The following PPFIBP2 variants were observed in gnomAD, a reference collection of about 807,000 sequenced individuals.
PPFIBP2 encodes the protein liprin-beta-2.
Under a neutral mutation model 118.3 loss-of-function variants are expected in PPFIBP2, and 118 were observed. That is an observed-to-expected ratio of 1.00 (90% confidence interval 0.86 to 1.16). The LOEUF is 1.16. PPFIBP2 is among the 50% of genes most tolerant of loss of function. PPFIBP2 has a pLI of 0.00. For missense variants in PPFIBP2, 1,195 were observed against 1,073.1 expected (o/e 1.11, Z -1.59); for synonymous variants, 414 against 397.4 (o/e 1.04, Z -0.50).
At chr11:7,572,732 G>A (rs746115292) in intron 3 of PPFIBP2, among the ~76,000 whole-genome samples, 4 of 152,156 alleles carry the variant, frequency 2.6e-5, no homozygotes, top group Non-Finnish European at 4.4e-5. Flanking sequence ...ATGCTTCTAG[G>A]CAAGTTTGTT....
At chr11:7,573,918 G>C (rs1855958902) in intron 3 of PPFIBP2, 1 of 152,216 alleles carries the variant, frequency 6.6e-6, no homozygotes, top group South Asian at 2.1e-4. Flanking sequence ...TTACAGTTCT[G>C]CCTGATAAGA....
At chr11:7,630,592 G>A (rs377448405) in intron 10 of PPFIBP2, among the ~76,000 whole-genome samples, 3 of 152,222 alleles carry the variant, frequency 2.0e-5, no homozygotes, top group Non-Finnish European at 4.4e-5. Context: ...GATTACAGGC[G>A]TGAGCCAAAG....
chr11:7,549,098 A>G (rs1198829808), intron 1 of PPFIBP2, among the ~76,000 whole-genome samples: 1 of 152,176 alleles, frequency 6.6e-6, no homozygotes, highest in East Asian at 1.9e-4. Context: ...TACGCCACTT[A>G]GTGGCGCCTT....
chr11:7,639,193 G>T (rs555053594), intron 14 of PPFIBP2, among the ~76,000 whole-genome samples: 1 of 152,256 alleles, frequency 6.6e-6, no homozygotes, highest in Non-Finnish European at 1.5e-5. Flanking sequence ...GTCTGAGTAA[G>T]GGTTCCAATT....
At chr11:7,528,919 T>A (rs1261116982) in intron 1 of PPFIBP2, among the ~76,000 whole-genome samples, 4 of 152,152 alleles carry the variant, frequency 2.6e-5, no homozygotes. Context: ...TTGGCCTTCC[T>A]CCTGGAGCTC....
intron 19 of PPFIBP2, 107 bp from the exon 20 acceptor site, chr11:7,649,040 T>G: frequency 2.9e-6 from 4 of 1,364,972 alleles, no homozygotes; most frequent in Non-Finnish European, 4.1e-6. Flanking sequence ...ACTAAACTTT[T>G]GGGGGAATAA....
At chr11:7,610,449 G>A (rs1385952593) in intron 6 of PPFIBP2, 27 bp downstream of exon 6, 1 of 1,606,620 alleles carries the variant, frequency 6.2e-7, no homozygotes, top group South Asian at 1.1e-5. Flanking sequence ...ACTGTCCTAA[G>A]CTCAGACCTG....
intron 5 of PPFIBP2, among the ~76,000 whole-genome samples, chr11:7,599,787 C>T (rs996292119): frequency 4.1e-5 from 6 of 147,674 alleles, no homozygotes; most frequent in Non-Finnish European, 5.9e-5. Flanking sequence ...CCTGCCACCA[C>T]GCCCGGCTAA....
intron 12 of PPFIBP2, among the ~76,000 whole-genome samples, 157 bp from the exon 13 acceptor site, chr11:7,634,338 C>A (rs561289361): frequency 9.8e-5 from 15 of 152,342 alleles, no homozygotes; most frequent in African/African-American, 3.6e-4. Context: ...GGGCCAGTCT[C>A]ATTTTGTATG....
At chr11:7,661,802 C>G (rs1854895345), downstream of PPFIBP2, among the ~76,000 whole-genome samples, 2 of 92,480 alleles carry the variant, frequency 2.2e-5, 1 homozygote, top group Admixed American at 2.1e-4. Context: ...GTAGGTCACT[C>G]AGGACTTGCT....
At chr11:7,646,675 T>A (rs1853116145) in intron 17 of PPFIBP2, among the ~76,000 whole-genome samples, 1 of 152,116 alleles carries the variant, frequency 6.6e-6, no homozygotes, top group Non-Finnish European at 1.5e-5. Context: ...TAATAAGCTG[T>A]AATTACATCA....
the PPFIBP2 span, among the ~76,000 whole-genome samples, chr11:7,662,919 C>G: frequency 1.1e-4 from 15 of 137,130 alleles, no homozygotes; most frequent in Non-Finnish European, 2.2e-4. Flanking sequence ...CACTGATACC[C>G]TTTCTTCCAG....
chr11:7,632,101 T>G (rs1850840292), intron 11 of PPFIBP2, among the ~76,000 whole-genome samples: 1 of 152,242 alleles, frequency 6.6e-6, no homozygotes, highest in Non-Finnish European at 1.5e-5. Flanking sequence ...GGTACAATAC[T>G]GAAGACACGG....
At chr11:7,603,987 A>G (rs893497926) in intron 5 of PPFIBP2, among the ~76,000 whole-genome samples, 3 of 152,048 alleles carry the variant, frequency 2.0e-5, no homozygotes, top group South Asian at 2.1e-4. Flanking sequence ...CCCTCCCCAT[A>G]TACTGCGGTA....
intron 6 of PPFIBP2, among the ~76,000 whole-genome samples, chr11:7,620,221 G>A (rs11041482): frequency 0.58 from 88,082 of 151,912 alleles, 26,321 homozygotes; most frequent in East Asian, 0.89. Flanking sequence ...AACTCATCAT[G>A]TGTATTCTCA....
chr11:7,566,706 A>G (rs1855026397), intron 3 of PPFIBP2, among the ~76,000 whole-genome samples: 1 of 146,386 alleles, frequency 6.8e-6, no homozygotes, highest in South Asian at 2.2e-4. Context: ...AAAATACCAC[A>G]AAACAGAATT....
chr11:7,661,695 C>G (rs11041513), downstream of PPFIBP2, among the ~76,000 whole-genome samples: 38,096 of 79,232 alleles, frequency 0.48, 15,435 homozygotes, highest in African/African-American at 0.7. Flanking sequence ...TCAATTCCTG[C>G]GTATCCTTTG....
At chr11:7,666,255 T>A in the PPFIBP2 span, 1 of 596,926 alleles carries the variant, frequency 1.7e-6, no homozygotes, top group South Asian at 2.1e-5. Context: ...CTGCTCTCGA[T>A]TGCCCTTAAA....
rs1853885844 is a variant in PPFIBP2 at position 7,650,850 on chromosome 11, C to G, written c.2132C>G (p.Ser711Cys). ...TTCTCCCTCTGACAGAGTAACCTTTCTCCTTCAGAAGTTGTACAGTGGTCC... is the reference window on the plus strand; with the variant it reads ...TTCTCCCTCTGACAGAGTAACCTTTGTCCTTCAGAAGTTGTACAGTGGTCC... ...HRRPADESNL[S>C]PSEVVQWSNH... Residue 711 changes from serine (S) to cysteine (C), a missense_variant, in exon 22 of 24, where the codon TCT becomes TGT. Physicochemically the swap from Ser to Cys is moderately radical, Grantham distance 112 (BLOSUM62 -1). Coordinates refer to ENST00000299492, the MANE Select transcript of PPFIBP2 (RefSeq NM_003621.5). The G allele has an allele frequency of 6.2e-7, 1 of 1,613,778 alleles. No individual in the cohort carries two copies. Among genetic ancestry groups the G allele is most frequent in the Admixed American group, 1.7e-5 (1 of 59,996 alleles).
Sources: allele counts gnomAD v4.1 joint callset (sites outside exome capture counted in the v4.1 genomes callset), GRCh38; gene constraint gnomAD v4.1.1; transcripts MANE v1.5; gene names NCBI Gene and HGNC (gene_info 2026-07-23, HGNC 2026-07-21).